KIRREL3: variants seen among roughly 807,000 people sequenced by gnomAD.
KIRREL3 encodes the protein kirre like nephrin family adhesion molecule 3, also known as kin of IRRE-like protein 3.
In KIRREL3, 36 loss-of-function variants were observed where a neutral mutation model predicts 89.7. The ratio of observed to expected loss-of-function variants is 0.40; its 90% CI spans 0.31 to 0.53. The LOEUF (loss-of-function observed/expected upper bound fraction) is 0.53. Among genes scored for constraint, KIRREL3 ranks in the 20% least tolerant of loss-of-function variants. KIRREL3 has a pLI of 0.49. For missense variants in KIRREL3, 864 were observed against 1,056.6 expected (o/e 0.82, Z 2.53); for synonymous variants, 445 against 441.4 (o/e 1.01, Z -0.10).
Position 126,754,358 on chromosome 11 carries a change from G to A in KIRREL3, c.56-191446C>T, listed in dbSNP as rs1172223659. On this transcript the variant is annotated intron_variant, in intron 1 of 16. Coordinates refer to ENST00000525144, the MANE Select transcript of KIRREL3 (RefSeq NM_032531.4). This position sits in a 1 kb window ranked among gnomAD's most constrained non-coding sequence, Gnocchi z 5.1. ...TTCACTGCTGAAACAGCATTCCTCA[G>A]AACGTACCTCTCTAACTTTACACTC... 6.6e-6 allele frequency among the ~76,000 whole-genome samples: 1 copy of A among 152,180 alleles called. No homozygotes were observed. Among genetic ancestry groups the A allele is most frequent in the Non-Finnish European group, 1.5e-5 (1 of 68,042 alleles).
rs58504377 is a variant in KIRREL3, at chr11:126,715,137, A to G, written c.56-152225T>C. Among the ~76,000 whole-genome samples the G allele has an allele frequency of 0.063, 9,561 of 152,258 alleles. 791 individuals are homozygous for G. Among genetic ancestry groups the G allele is most frequent in the African/African-American group, 0.19 (8,094 of 41,522 alleles). On this transcript the variant is annotated intron_variant, in intron 1 of 16. Coordinates refer to ENST00000525144, the MANE Select transcript of KIRREL3 (RefSeq NM_032531.4). The surrounding 1 kb of genome is among the most constrained non-coding windows in gnomAD (Gnocchi z 4.4). Reference sequence around the variant, plus strand: ...ACCTTGTGACAATGCCCAGACAACTAATAGAGTCTCTGTTTTGCCACCGGA... The same window carrying G: ...ACCTTGTGACAATGCCCAGACAACTGATAGAGTCTCTGTTTTGCCACCGGA...
chr11:126,602,991 C>A (rs11220553), intron 1 of KIRREL3, among the ~76,000 whole-genome samples: 3 of 152,052 alleles, frequency 2.0e-5, no homozygotes, highest in African/African-American at 7.2e-5. Context: ...GCATAGAGAC[C>A]AATAGGAGAC....
At chr11:126,944,953 T>C (rs1234980933) in intron 1 of KIRREL3, 2 of 152,202 alleles carry the variant, frequency 1.3e-5, no homozygotes, top group Admixed American at 6.5e-5. Context: ...GTTTATCTGA[T>C]TGGTTTACTG....
chr11:126,918,807 T>G lies in KIRREL3; in HGVS notation c.55+81648A>C, dbSNP rs1458513651. Among the ~76,000 whole-genome samples, 1 of 152,186 alleles carries G rather than the reference T, an allele frequency of 6.6e-6. No homozygotes were observed. Among genetic ancestry groups the G allele is most frequent in the Non-Finnish European group, 1.5e-5 (1 of 68,036 alleles). ...GTGCAAGGCCTTCCTGATGTCTGCATGTTATAAAGAATGGGGAGCTAGCTG... is the reference window on the plus strand; with the variant it reads ...GTGCAAGGCCTTCCTGATGTCTGCAGGTTATAAAGAATGGGGAGCTAGCTG... On this transcript the variant is annotated intron_variant, in intron 1 of 16. Transcript: ENST00000525144. The surrounding 1 kb of genome is among the most constrained non-coding windows in gnomAD (Gnocchi z 6.5).
chr11:126,597,418 T>C (rs1412581983), intron 1 of KIRREL3, among the ~76,000 whole-genome samples: 2 of 152,232 alleles, frequency 1.3e-5, no homozygotes, highest in African/African-American at 4.8e-5. Context: ...TTTAAAAAGG[T>C]CACTGACGAC....
At chr11:126,756,781 C>T (rs1481134005) in intron 1 of KIRREL3, among the ~76,000 whole-genome samples, 1 of 152,256 alleles carries the variant, frequency 6.6e-6, no homozygotes, top group Non-Finnish European at 1.5e-5. Context: ...CCTTCCTTTG[C>T]TTTGAGCAGT....
At position 126,876,420 on chromosome 11, in the gene KIRREL3, C is replaced by A. The variant is rs1157745419; in HGVS notation, c.55+124035G>T. On this transcript the variant is annotated intron_variant, in intron 1 of 16. Transcript: ENST00000525144. The surrounding 1 kb of genome is among the most constrained non-coding windows in gnomAD (Gnocchi z 4.1). ...TGGATAATTTCATCCTACAGCACAC[C>A]CAGGGAGAAAGAAGCCACATAGCTG... Among the ~76,000 whole-genome samples the A allele has an allele frequency of 6.6e-6, 1 of 152,094 alleles. No homozygotes were observed. Among genetic ancestry groups the A allele is most frequent in the Admixed American group, 6.5e-5 (1 of 15,278 alleles).
intron 1 of KIRREL3, among the ~76,000 whole-genome samples, chr11:126,707,852 T>G: frequency 6.6e-6 from 1 of 151,910 alleles, no homozygotes; most frequent in East Asian, 1.9e-4. Context: ...TTTTTTGGCT[T>G]TCCTAGGAAT....
At position 126,425,753 on chromosome 11, in the gene KIRREL3, A is replaced by G. The variant is rs551007775; in HGVS notation, c.1807-29T>C. On this transcript the variant is annotated intron_variant, in intron 15 of 16. Transcript: ENST00000525144. ...CAACCCAAAAAAGGCTGCTCAGTAG[A>G]TAGGAGGTGGCTAAACCTCCACTTC... 7.1e-6 allele frequency: 11 copies of G among 1,554,138 alleles called. No homozygotes were observed. The East Asian group carries it at 2.6e-4, about 36-fold the overall frequency.
rs1946432451 is a variant in KIRREL3 at position 126,903,014 on chromosome 11, T to C, written c.55+97441A>G. On this transcript the variant is annotated intron_variant, in intron 1 of 16. Transcript: ENST00000525144. The surrounding 1 kb of genome is among the most constrained non-coding windows in gnomAD (Gnocchi z 4.5). The stretch of plus-strand genomic sequence containing the variant: ...TTAAAAAAAAGGAAGCCCAGCGTCC[T>C]ATGACCTTGTGAAAGAAGCAAAAAA... Among the ~76,000 whole-genome samples the C allele has an allele frequency of 6.6e-6, 1 of 152,204 alleles. No individual in the cohort carries two copies. The highest frequency in any genetic ancestry group is 2.1e-4 in the South Asian group (1 of 4,830).
Position 126,489,319 on chromosome 11 carries a change from C to G in KIRREL3, c.434-15853G>C, listed in dbSNP as rs938796578. ...CTCTCCTGCCCCAGCTCAGCCTGCA[C>G]GGAGCAGGTGCTCAACAGATGAGCA... On this transcript the variant is annotated intron_variant, in intron 4 of 16. Transcript: ENST00000525144. The surrounding 1 kb of genome is among the most constrained non-coding windows in gnomAD (Gnocchi z 5.5). Among the ~76,000 whole-genome samples, 3 of 152,110 alleles carry G rather than the reference C, an allele frequency of 2.0e-5. 1 individual carries two copies. The highest frequency in any genetic ancestry group is 4.1e-4 in the South Asian group (2 of 4,828).
In KIRREL3 at chr11:126,628,268, C is replaced by T. The variant is rs1317332806; in HGVS notation, c.56-65356G>A. On this transcript the variant is annotated intron_variant, in intron 1 of 16. Transcript: ENST00000525144. The surrounding 1 kb of genome is among the most constrained non-coding windows in gnomAD (Gnocchi z 5.2). ...ATCCTGTCAGACTCTTTCTCTCCAG[C>T]CTGGCCTCGCCTTCTCTGTGAGAAG... Among the ~76,000 whole-genome samples the T allele has an allele frequency of 6.6e-6, 1 of 152,180 alleles. No homozygotes were observed. Among genetic ancestry groups the T allele is most frequent in the Non-Finnish European group, 1.5e-5 (1 of 68,034 alleles).
In KIRREL3 at chr11:126,645,502, A is replaced by G. The variant is rs1444731197; in HGVS notation, c.56-82590T>C. 6.6e-6 allele frequency among the ~76,000 whole-genome samples: 1 copy of G among 152,224 alleles called. No individual in the cohort carries two copies. The highest frequency in any genetic ancestry group is 1.5e-5 in the Non-Finnish European group (1 of 68,036). ...AGCTCTAGAAATATTTGTGGCATGA[A>G]TGAAAGAATTCATGAGTAATAGCCG... On this transcript the variant is annotated intron_variant, in intron 1 of 16. Coordinates refer to ENST00000525144, the MANE Select transcript of KIRREL3 (RefSeq NM_032531.4). This position sits in a 1 kb window ranked among gnomAD's most constrained non-coding sequence, Gnocchi z 4.9.
chr11:126,845,603 G>T (rs1944112115), intron 1 of KIRREL3, among the ~76,000 whole-genome samples: 1 of 152,228 alleles, frequency 6.6e-6, no homozygotes, highest in East Asian at 1.9e-4. Context: ...GCTTGATCTT[G>T]TTACCATGTG....
chr11:126,735,658 G>T (rs1043814932), intron 1 of KIRREL3, among the ~76,000 whole-genome samples: 2 of 152,206 alleles, frequency 1.3e-5, no homozygotes, highest in African/African-American at 4.8e-5. Flanking sequence ...ATCAAAACCT[G>T]TAACTCTGGT....
At chr11:126,913,668 T>C (rs924401912) in intron 1 of KIRREL3, among the ~76,000 whole-genome samples, 3 of 152,232 alleles carry the variant, frequency 2.0e-5, no homozygotes, top group Admixed American at 6.5e-5. Flanking sequence ...CAAAATTGCT[T>C]ATTGCTTTAG....
intron 1 of KIRREL3, among the ~76,000 whole-genome samples, chr11:126,819,094 T>A (rs1951681587): frequency 1.5e-5 from 2 of 136,648 alleles, no homozygotes; most frequent in Non-Finnish European, 3.1e-5. Flanking sequence ...GCTTTAGGTA[T>A]CTGGACCCCA....
chr11:126,477,309 C>T lies in KIRREL3; in HGVS notation c.434-3843G>A, dbSNP rs181364920. 2.0e-3 allele frequency among the ~76,000 whole-genome samples: 301 copies of T among 152,346 alleles called. No individual in the cohort carries two copies. Among genetic ancestry groups the T allele is most frequent in the Non-Finnish European group, 3.5e-3 (236 of 68,030 alleles). On this transcript the variant is annotated intron_variant, in intron 4 of 16. Coordinates refer to ENST00000525144, the MANE Select transcript of KIRREL3 (RefSeq NM_032531.4). The surrounding 1 kb of genome is among the most constrained non-coding windows in gnomAD (Gnocchi z 4.8). ...CTGCTCTGCCCCTACCTGCCCAGCT[C>T]TGCAGACTTTGCCTTGTTTGGGTGG... is the stretch of plus-strand genomic sequence containing the variant.
rs375531065 is a variant in KIRREL3, at chr11:126,730,883, C to A, written c.56-167971G>T. 1.1e-4 allele frequency among the ~76,000 whole-genome samples: 17 copies of A among 152,226 alleles called. No homozygotes were observed. In the East Asian group the frequency reaches 1.7e-3, roughly 16 times the overall value. On this transcript the variant is annotated intron_variant, in intron 1 of 16. Transcript: ENST00000525144. ...CCTCCCGAGTAGCTGGGACTACAGG[C>A]ACCTGCCACCACGCCTGGCTAATTT...
Sources: gnomAD v4.1 joint callset for allele counts (sites outside exome capture counted in the v4.1 genomes callset) on GRCh38, gnomAD v4.1.1 for gene constraint, Gnocchi (gnomAD v3.1) non-coding constraint, MANE v1.5 for transcripts, NCBI Gene and HGNC (gene_info 2026-07-23, HGNC 2026-07-21) for gene names.